The following CHD9 variants were observed in gnomAD, a reference collection of about 807,000 sequenced individuals.
CHD9 encodes ATP-dependent chromatin remodeler CHD9.
A neutral mutation model predicts 316.1 loss-of-function variants in CHD9; 77 were observed. The ratio of observed to expected loss-of-function variants is 0.24; its 90% CI spans 0.20 to 0.29. The LOEUF (loss-of-function observed/expected upper bound fraction) is 0.29, where lower values mean the gene tolerates loss of function less well. Among genes scored for constraint, CHD9 ranks in the 10% least tolerant of loss-of-function variants. The pLI, the probability that CHD9 is intolerant of heterozygous loss-of-function variation, is 1.00. For missense variants in CHD9, 2,763 were observed against 3,438.1 expected (o/e 0.80, Z 4.91); for synonymous variants, 1,129 against 1,158.3 (o/e 0.97, Z 0.51).
Position 53,157,201 on chromosome 16 carries a change from T to C in CHD9, c.1112T>C (p.Met371Thr), listed in dbSNP as rs1354843859. ...FPDPVDSGTQ[M>T]GHFNDHVETN... ...GATCCTGTTGACTCAGGAACTCAAA[T>C]GGGCCATTTCAATGATCATGTAGAA... is the stretch of plus-strand genomic sequence containing the variant. Residue 371 changes from methionine (M) to threonine (T), a missense_variant, in exon 2 of 39, where the codon ATG becomes ACG. Physicochemically the swap from Met to Thr is moderately conservative, Grantham distance 81. Coordinates refer to ENST00000447540, the MANE Select transcript of CHD9 (RefSeq NM_001308319.2). 6.2e-6 allele frequency: 10 copies of C among 1,606,194 alleles called. No homozygotes were observed. Among genetic ancestry groups the C allele is most frequent in the Non-Finnish European group, 7.7e-6 (9 of 1,175,766 alleles).
chr16:53,307,958 G>T lies in CHD9; in HGVS notation c.7053+5G>T, dbSNP rs1191510203. 6.3e-7 allele frequency: 1 copy of T among 1,588,522 alleles called. No individual in the cohort carries two copies. Among genetic ancestry groups the T allele is most frequent in the South Asian group, 1.1e-5 (1 of 87,274 alleles). On this transcript the variant is annotated splice_donor_5th_base_variant and intron_variant, in intron 33 of 38. Coordinates refer to ENST00000447540, the MANE Select transcript of CHD9 (RefSeq NM_001308319.2). ...TTTACAGTGAAAATCAAAGACGTAT[G>T]TGTATTTTTATTGCCCTAGGGCCTG...
chr16:53,319,917 T>C, intron 37 of CHD9: 1 of 889,288 alleles, frequency 1.1e-6, no homozygotes, highest in Non-Finnish European at 1.5e-6. Context: ...AAGGAGATAA[T>C]AAAAAAGAGA....
intron 3 of CHD9, among the ~76,000 whole-genome samples, chr16:53,217,867 G>A (rs1192109948): frequency 6.6e-6 from 1 of 151,254 alleles, no homozygotes; most frequent in Non-Finnish European, 1.5e-5. Flanking sequence ...AGTCTACCAA[G>A]TAGCTAGAAC....
In CHD9 at chr16:53,324,737, G is replaced by T; in HGVS notation, c.8536G>T (p.Asp2846Tyr). The part of the protein sequence containing the change: ...SSKSVEVKEE[D>Y]SRIKDQEDKG... ...TAAGTCTGTAGAAGTAAAAGAAGAA[G>T]ATTCCAGAATTAAAGATCAGGAAGA... Residue 2846 changes from aspartate to tyrosine, a missense_variant, in exon 39 of 39, where the codon GAT (aspartate) becomes TAT (tyrosine). By Grantham distance (160) the Asp-to-Tyr change is radical. Coordinates refer to ENST00000447540, the MANE Select transcript of CHD9 (RefSeq NM_001308319.2). The T allele has an allele frequency of 6.2e-7, 1 of 1,613,398 alleles. No homozygotes were observed. Among genetic ancestry groups the T allele is most frequent in the Non-Finnish European group, 8.5e-7 (1 of 1,179,646 alleles).
At chr16:53,274,081 T>G in intron 23 of CHD9, 132 bp from the exon 24 acceptor site, 1 of 675,184 alleles carries the variant, frequency 1.5e-6, no homozygotes, top group South Asian at 1.8e-5. Flanking sequence ...GTAATAAGAT[T>G]CATTTAATCA....
In CHD9 at chr16:53,324,995, C is replaced by T; in HGVS notation, c.*100C>T. On this transcript the variant is annotated 3_prime_UTR_variant, in exon 39 of 39. Coordinates refer to ENST00000447540, the MANE Select transcript of CHD9 (RefSeq NM_001308319.2). ...GTTGAGTGCATCAATAACTTACTGA[C>T]CGAACATTTCAGTTATTTGTTTAGA... 1.0e-6 allele frequency: 1 copy of T among 992,092 alleles called. No homozygotes were observed. The highest frequency in any genetic ancestry group is 1.4e-6 in the Non-Finnish European group (1 of 695,680). The allele number at this position is 992,092 out of a possible 1,614,324, so 61.5% of individuals were successfully genotyped here. A position where few individuals can be genotyped will look rare whatever the true frequency, so the allele number is the denominator to read the frequency against.
At chr16:53,293,120 G>T (rs1402611287) in intron 29 of CHD9, 68 bp downstream of exon 29, 1 of 1,370,394 alleles carries the variant, frequency 7.3e-7, no homozygotes, top group Non-Finnish European at 1.0e-6. Context: ...AGCCTGTCTG[G>T]GTACAATTAT....
At chr16:53,133,319 G>C (rs964133287) in intron 1 of CHD9, among the ~76,000 whole-genome samples, 3 of 152,072 alleles carry the variant, frequency 2.0e-5, no homozygotes, top group African/African-American at 7.2e-5. Context: ...ACTAAGTAAG[G>C]TGTATGAGCA....
At chr16:53,239,600 T>G (rs2048918556) in intron 12 of CHD9, among the ~76,000 whole-genome samples, 1 of 152,186 alleles carries the variant, frequency 6.6e-6, no homozygotes, top group Non-Finnish European at 1.5e-5. Context: ...TTAGTATTTT[T>G]TCTTTCCCTC....
chr16:53,146,437 A>ATATATATATATATATATATATATATATAT (rs58622741), intron 1 of CHD9, among the ~76,000 whole-genome samples: 72 of 129,468 alleles, frequency 5.6e-4, no homozygotes, highest in Non-Finnish European at 7.7e-4. Context: ...ATATATATAT[A>ATATATATATATATATATATATATATATAT]ATTAAAAAGT....
chr16:53,125,218 AT>A (rs34096444), intron 1 of CHD9, among the ~76,000 whole-genome samples: 3,048 of 95,720 alleles, frequency 0.032, 39 homozygotes, highest in African/African-American at 0.12. Flanking sequence ...TCAAGTTAGG[AT>A]TTTTTTTTTT....
chr16:53,055,724 C>T (rs1177095764), intron 1 of CHD9, among the ~76,000 whole-genome samples: 2 of 152,134 alleles, frequency 1.3e-5, no homozygotes, highest in Admixed American at 6.5e-5. Context: ...GCCTTTTAAG[C>T]AGGAAATGCC....
chr16:53,235,443 C>A, intron 11 of CHD9, 137 bp downstream of exon 11: 1 of 617,444 alleles, frequency 1.6e-6, no homozygotes, highest in Non-Finnish European at 2.6e-6. Context: ...ACCTCAGGAA[C>A]ATATGTAAAT....
intron 3 of CHD9, among the ~76,000 whole-genome samples, chr16:53,216,466 G>A (rs1597469295): frequency 6.6e-6 from 1 of 152,058 alleles, no homozygotes; most frequent in East Asian, 1.9e-4. Context: ...TCTGTTAACT[G>A]GTTGGAGTAT....
At chr16:53,211,446 T>G (rs2046326089) in intron 3 of CHD9, among the ~76,000 whole-genome samples, 1 of 152,164 alleles carries the variant, frequency 6.6e-6, no homozygotes, top group Non-Finnish European at 1.5e-5. Context: ...TAAATTATTT[T>G]AATATTGCAC....
Position 53,325,023 on chromosome 16 carries a change from T to C in CHD9, c.*128T>C. 1.3e-6 allele frequency: 1 copy of C among 767,366 alleles called. No individual in the cohort carries two copies. Among genetic ancestry groups the C allele is most frequent in the Non-Finnish European group, 2.0e-6 (1 of 500,194 alleles). 47.5% of individuals were successfully genotyped at this position (767,366 alleles called of 1,614,324 possible). Reference sequence around the variant, plus strand: ...AACATTTCAGTTATTTGTTTAGAAGTGCAAACTGCTTTCAGAGACTTTTTG... The same window carrying C: ...AACATTTCAGTTATTTGTTTAGAAGCGCAAACTGCTTTCAGAGACTTTTTG... On this transcript the variant is annotated 3_prime_UTR_variant, in exon 39 of 39. Transcript: ENST00000447540.
intron 9 of CHD9, 49 bp downstream of exon 9, chr16:53,231,554 T>C (rs746836307): frequency 7.2e-7 from 1 of 1,396,974 alleles, no homozygotes; most frequent in Non-Finnish European, 1.0e-6. Flanking sequence ...TCTGAAACTT[T>C]CCAAGTATTA....
At chr16:53,316,455 T>C (rs1285987482) in intron 36 of CHD9, among the ~76,000 whole-genome samples, 3 of 152,190 alleles carry the variant, frequency 2.0e-5, no homozygotes, top group African/African-American at 7.2e-5. Context: ...AAAAGGGCCT[T>C]TATTAACTTT....
chr16:53,138,326 A>T lies in CHD9; in HGVS notation c.-164-17600A>T, dbSNP rs2039868748. ...AAAAGCAGATTTGAATTTCTCAAAG[A>T]TTTGAGTGAAATCACATTTGGAGGA... On this transcript the variant is annotated intron_variant, in intron 1 of 38. Coordinates refer to ENST00000447540, the MANE Select transcript of CHD9 (RefSeq NM_001308319.2). 2.0e-5 allele frequency among the ~76,000 whole-genome samples: 3 copies of T among 152,220 alleles called. No homozygotes were observed. In the South Asian group the frequency reaches 6.2e-4, roughly 31 times the overall value.
Sources: gnomAD v4.1 joint callset for allele counts (sites outside exome capture counted in the v4.1 genomes callset) on GRCh38, gnomAD v4.1.1 for gene constraint, MANE v1.5 for transcripts, NCBI Gene and HGNC (gene_info 2026-07-23, HGNC 2026-07-21) for gene names.